CACNA1D: variants seen among roughly 807,000 people sequenced by gnomAD.
The protein encoded by CACNA1D is calcium voltage-gated channel subunit alpha1 D.
In CACNA1D, 55 loss-of-function variants were observed where a neutral mutation model predicts 257.1. That is an observed-to-expected ratio of 0.21 (90% CI 0.17 to 0.27). The LOEUF (loss-of-function observed/expected upper bound fraction) is 0.27, where lower values mean the gene tolerates loss of function less well. Among genes scored for constraint, CACNA1D ranks in the 10% least tolerant of loss-of-function variants. The pLI is 1.00. For synonymous variants in CACNA1D, 980 were observed against 1,014.9 expected, an observed-to-expected ratio of 0.97 and a Z score of 0.65; for missense variants, 1,876 against 2,784.0, an observed-to-expected ratio of 0.67 and a Z score of 7.34.
chr3:53,751,889 A>G lies in CACNA1D; in HGVS notation c.3657A>G (p.Thr1219=), dbSNP rs757152528. Residue 1219 remains threonine (T), a synonymous_variant, in exon 28 of 48, where the codon ACA becomes ACG. Coordinates refer to ENST00000350061, the MANE Select transcript of CACNA1D (RefSeq NM_001128840.3). The surrounding 1 kb of genome is among the most constrained non-coding windows in gnomAD (Gnocchi z 4.3). ...TGTTTGTCCTCATCATGCTCAACAC[A>G]CTCTGCTTGGCCATGCAGGTAAAAA... is the stretch of plus-strand genomic sequence containing the variant. ...YMMFVLIMLN[T]LCLAMQHYEQ... The G allele has an allele frequency of 1.5e-5, 24 of 1,613,768 alleles. No homozygotes were observed. Among genetic ancestry groups the G allele is most frequent in the Admixed American group, 5.0e-5 (3 of 59,996 alleles).
At chr3:53,599,137 A>C (rs1252762704) in intron 3 of CACNA1D, among the ~76,000 whole-genome samples, 1 of 152,192 alleles carries the variant, frequency 6.6e-6, no homozygotes, top group African/African-American at 2.4e-5. Context: ...TTCTGCAGTG[A>C]CAGCTTTGCC....
rs144411503 is a variant in CACNA1D at position 53,594,500 on chromosome 3, A to G, written c.484-56279A>G. On this transcript the variant is annotated intron_variant, in intron 3 of 47. Coordinates refer to ENST00000350061, the MANE Select transcript of CACNA1D (RefSeq NM_001128840.3). ...TCAGCCTGGAGCTTCCATTCTACTC[A>G]GGAGACAAATGAGTAAATACAGGAG... Among the ~76,000 whole-genome samples the G allele has an allele frequency of 4.5e-3, 692 of 152,338 alleles. 8 individuals carry two copies. Among genetic ancestry groups the G allele is most frequent in the African/African-American group, 0.015 (642 of 41,586 alleles).
At chr3:53,570,247 T>C (rs2092919942) in intron 3 of CACNA1D, among the ~76,000 whole-genome samples, 1 of 152,214 alleles carries the variant, frequency 6.6e-6, no homozygotes, top group Non-Finnish European at 1.5e-5. Flanking sequence ...CGACAGTGCT[T>C]AGGAATGGAA....
intron 8 of CACNA1D, among the ~76,000 whole-genome samples, chr3:53,677,730 T>G (rs894378500): frequency 6.6e-6 from 1 of 152,254 alleles, no homozygotes; most frequent in African/African-American, 2.4e-5. Context: ...ATTATATATT[T>G]GACAATGTTT....
At chr3:53,623,605 T>C (rs1236914596) in intron 3 of CACNA1D, among the ~76,000 whole-genome samples, 2 of 150,252 alleles carry the variant, frequency 1.3e-5, no homozygotes, top group African/African-American at 4.9e-5. Context: ...ATAATTATGA[T>C]TTATCACCCT....
chr3:53,540,908 AT>A lies in CACNA1D; in HGVS notation c.483+39191del, dbSNP rs544223896. 1.9e-3 allele frequency among the ~76,000 whole-genome samples: 296 copies of A among 151,936 alleles called. 1 individual carries two copies. Among genetic ancestry groups the A allele is most frequent in the African/African-American group, 6.6e-3 (273 of 41,416 alleles). On this transcript the variant is annotated intron_variant, in intron 3 of 47. Coordinates refer to ENST00000350061, the MANE Select transcript of CACNA1D (RefSeq NM_001128840.3). Reference sequence around the variant, plus strand: ...AAGTGCACACCACCATGCCTGGCTAATTTGTGTATTTTTAGTAGAGACAGGG... The same window carrying A: ...AAGTGCACACCACCATGCCTGGCTAATTGTGTATTTTTAGTAGAGACAGGG...
chr3:53,803,618 T>C, intron 44 of CACNA1D, 46 bp downstream of exon 44: 2 of 1,602,006 alleles, frequency 1.2e-6, no homozygotes, highest in Non-Finnish European at 8.5e-7. Flanking sequence ...CGCCCTGCCC[T>C]GGTGCTCGGC....
chr3:53,590,717 C>T (rs1195111656), intron 3 of CACNA1D, among the ~76,000 whole-genome samples: 4 of 152,174 alleles, frequency 2.6e-5, no homozygotes, highest in African/African-American at 9.7e-5. Context: ...ACTAGGTGAG[C>T]CTGGGCGGCC....
intron 35 of CACNA1D, 101 bp downstream of exon 35, chr3:53,776,146 T>C: frequency 9.2e-7 from 1 of 1,091,422 alleles, no homozygotes; most frequent in Non-Finnish European, 1.4e-6. Context: ...CTGAGGACAA[T>C]TGATGTGGAT....
At chr3:53,532,006 TACTC>T (rs2107456084) in intron 3 of CACNA1D, among the ~76,000 whole-genome samples, 1 of 152,344 alleles carries the variant, frequency 6.6e-6, no homozygotes, top group South Asian at 2.1e-4. Context: ...ATATCATAGA[TACTC>T]AGTAAGCGCT....
intron 3 of CACNA1D, among the ~76,000 whole-genome samples, chr3:53,606,687 A>C (rs577211913): frequency 6.6e-6 from 1 of 152,350 alleles, no homozygotes; most frequent in South Asian, 2.1e-4. Flanking sequence ...AAATTTACTT[A>C]AAACATATGC....
At position 53,774,668 on chromosome 3, in the gene CACNA1D, C is replaced by T. The variant is rs2095386779; in HGVS notation, c.4192C>T (p.Leu1398=). ...CCAGACGTTTCCCCAGGCGGTGCTG[C>T]TGCTCTTCAGGTGACTGCAACTGGC... ...NFQTFPQAVL[L]LFRCATGEAW... The change falls in exon 34 of 48, where the codon CTG becomes TTG. Residue 1398 remains leucine, a synonymous_variant. Coordinates refer to ENST00000350061, the MANE Select transcript of CACNA1D (RefSeq NM_001128840.3). This position sits in a 1 kb window ranked among gnomAD's most constrained non-coding sequence, Gnocchi z 4.3. The T allele has an allele frequency of 1.2e-6, 2 of 1,608,182 alleles. No individual in the cohort carries two copies.
intron 3 of CACNA1D, among the ~76,000 whole-genome samples, chr3:53,601,806 G>A (rs1216030711): frequency 2.6e-5 from 4 of 152,154 alleles, no homozygotes; most frequent in Non-Finnish European, 5.9e-5. Context: ...CACCTCCTGG[G>A]TCCAAGCGAT....
chr3:53,791,422 A>G (rs1041265457), intron 40 of CACNA1D: 3 of 167,438 alleles, frequency 1.8e-5, no homozygotes, highest in Non-Finnish European at 3.8e-5. Context: ...ATTAAAAATA[A>G]AAATAAAAAG....
intron 3 of CACNA1D, among the ~76,000 whole-genome samples, chr3:53,619,835 C>T (rs987538565): frequency 5.9e-5 from 9 of 152,164 alleles, no homozygotes; most frequent in African/African-American, 9.7e-5. Flanking sequence ...TGTATAAACT[C>T]GCTGCAGTGC....
chr3:53,537,310 G>T (rs1324320314), intron 3 of CACNA1D, among the ~76,000 whole-genome samples: 1 of 152,096 alleles, frequency 6.6e-6, no homozygotes, highest in Non-Finnish European at 1.5e-5. Context: ...AGACAGAAAA[G>T]TGTAATGAAC....
intron 3 of CACNA1D, among the ~76,000 whole-genome samples, chr3:53,582,054 A>G (rs1000429771): frequency 1.3e-5 from 2 of 152,026 alleles, no homozygotes; most frequent in Admixed American, 1.3e-4. Flanking sequence ...CCACGCCCTT[A>G]CTTAATAATC....
At chr3:53,640,648 T>C (rs2093939562) in intron 3 of CACNA1D, among the ~76,000 whole-genome samples, 1 of 152,250 alleles carries the variant, frequency 6.6e-6, no homozygotes, top group African/African-American at 2.4e-5. Context: ...TTCTCTGCTC[T>C]TGTACTTGGT....
intron 40 of CACNA1D, among the ~76,000 whole-genome samples, chr3:53,790,752 A>G (rs549891317): frequency 1.3e-5 from 2 of 152,348 alleles, no homozygotes; most frequent in East Asian, 3.9e-4. Context: ...ATGCATAAAG[A>G]CAGAAGAAAA....
Sources: gnomAD v4.1 joint callset for allele counts (sites outside exome capture counted in the v4.1 genomes callset) on GRCh38, gnomAD v4.1.1 for gene constraint, Gnocchi (gnomAD v3.1) non-coding constraint, MANE v1.5 for transcripts, NCBI Gene and HGNC (gene_info 2026-07-23, HGNC 2026-07-21) for gene names.